NDUFAF1: variants seen among roughly 807,000 people sequenced by gnomAD.
NDUFAF1 encodes NADH:ubiquinone oxidoreductase complex assembly factor 1.
In NDUFAF1, 18 loss-of-function variants were observed where a neutral mutation model predicts 28.7. That is an observed-to-expected ratio of 0.63 (90% CI 0.43 to 0.93). The LOEUF (loss-of-function observed/expected upper bound fraction) is 0.93. NDUFAF1 is among the 40% of genes least tolerant of loss of function. The pLI is 0.00. For missense variants in NDUFAF1, 404 were observed against 398.3 expected (o/e 1.01, Z -0.12); for synonymous variants, 113 against 139.7 (o/e 0.81, Z 1.35).
At chr15:41,399,450 G>A (rs1444178685) in intron 1 of NDUFAF1, among the ~76,000 whole-genome samples, 3 of 151,596 alleles carry the variant, frequency 2.0e-5, no homozygotes, top group African/African-American at 4.9e-5. Context: ...CCAGCTACTC[G>A]GGAGGCTGAG....
At chr15:41,393,922 T>A (rs145106038) in intron 3 of NDUFAF1, among the ~76,000 whole-genome samples, 1 of 148,010 alleles carries the variant, frequency 6.8e-6, no homozygotes, top group African/African-American at 2.5e-5. Context: ...TTAGCCAGGC[T>A]GGTCTCAAAC....
chr15:41,395,558 G>C (rs1434938749), intron 2 of NDUFAF1, among the ~76,000 whole-genome samples: 5 of 151,132 alleles, frequency 3.3e-5, no homozygotes, highest in South Asian at 2.1e-4. Flanking sequence ...TTTTAGTAGA[G>C]ACGGGGTTTC....
At chr15:41,393,188 G>A (rs912037727) in intron 3 of NDUFAF1, among the ~76,000 whole-genome samples, 13 of 147,632 alleles carry the variant, frequency 8.8e-5, no homozygotes, top group South Asian at 8.7e-4. Flanking sequence ...GCAGTGGCAC[G>A]GTCTCAGCTT....
At position 41,399,820 on chromosome 15, in the gene NDUFAF1, C is replaced by A. The variant is rs561373454; in HGVS notation, c.-82+2324G>T. Among the ~76,000 whole-genome samples, 18 of 135,486 alleles carry A rather than the reference C, an allele frequency of 1.3e-4. No individual in the cohort carries two copies. In the East Asian group the frequency reaches 3.4e-3, roughly 26 times the overall value. 88.9% of individuals were successfully genotyped at this position (135,486 alleles called of 152,430 possible). A position where few individuals can be genotyped will look rare whatever the true frequency, so the allele number is the denominator to read the frequency against. On this transcript the variant is annotated intron_variant, in intron 1 of 4. Coordinates refer to ENST00000260361, the MANE Select transcript of NDUFAF1 (RefSeq NM_016013.4). ...GCAGTGAGCCGAGATCCCGCCACTG[C>A]ACTCCAGCCTGGGCGACAGAGCGAG...
intron 3 of NDUFAF1, chr15:41,394,018 ACT>A: frequency 5.0e-6 from 1 of 200,770 alleles, no homozygotes; most frequent in South Asian, 3.2e-5. Flanking sequence ...CTAGGACACT[ACT>A]TTTTTTTTTT....
intron 4 of NDUFAF1, among the ~76,000 whole-genome samples, chr15:41,388,114 A>G (rs1401537187): frequency 1.3e-5 from 2 of 152,142 alleles, no homozygotes; most frequent in South Asian, 4.1e-4. Flanking sequence ...CATGTCAAAA[A>G]ACAAAAAGAC....
At chr15:41,401,719 C>G (rs552258133) in intron 1 of NDUFAF1, among the ~76,000 whole-genome samples, 3 of 152,272 alleles carry the variant, frequency 2.0e-5, no homozygotes, top group Admixed American at 6.5e-5. Context: ...AGCCACCGCG[C>G]CCAGCCGACA....
intron 3 of NDUFAF1, 76 bp downstream of exon 3, chr15:41,394,783 G>T (rs2050361197): frequency 2.6e-6 from 4 of 1,515,066 alleles, no homozygotes; most frequent in Admixed American, 1.7e-5. Flanking sequence ...CTCCCAAATT[G>T]CTGGGATTAT....
intron 3 of NDUFAF1, among the ~76,000 whole-genome samples, chr15:41,389,426 C>CA (rs2050292254): frequency 6.6e-6 from 1 of 151,720 alleles, no homozygotes; most frequent in Non-Finnish European, 1.5e-5. Context: ...TTTAAAAACA[C>CA]AAAAAACAGG....
At chr15:41,392,515 G>A (rs186515459) in intron 3 of NDUFAF1, among the ~76,000 whole-genome samples, 1 of 152,242 alleles carries the variant, frequency 6.6e-6, no homozygotes, top group Admixed American at 6.5e-5. Flanking sequence ...TGAACCATGG[G>A]TGTGGTTTCC....
chr15:41,390,620 G>A (rs1173438002), intron 3 of NDUFAF1, among the ~76,000 whole-genome samples: 11 of 151,922 alleles, frequency 7.2e-5, no homozygotes, highest in African/African-American at 2.4e-5. Flanking sequence ...AGCTACTCAG[G>A]AGGCTGAGGC....
At chr15:41,400,498 C>A (rs2050447371) in intron 1 of NDUFAF1, among the ~76,000 whole-genome samples, 1 of 151,114 alleles carries the variant, frequency 6.6e-6, no homozygotes, top group African/African-American at 2.4e-5. Flanking sequence ...TGAGCCACTG[C>A]ACCTGATGAA....
In NDUFAF1 at chr15:41,396,814, G is replaced by T; in HGVS notation, c.246C>A (p.Phe82Leu). ...TSSEEKPDVSFDKAIRDEAIY... is the reference protein window; with the variant it reads ...TSSEEKPDVSLDKAIRDEAIY... ...TTGCTTCATCTCTAATTGCTTTATC[G>T]AAACTAACATCAGGCTTCTCCTCAG... Residue 82 changes from phenylalanine to leucine, a missense_variant, in exon 2 of 5, where the codon TTC (phenylalanine) becomes TTA (leucine). Physicochemically the swap from Phe to Leu is conservative, Grantham distance 22. Transcript: ENST00000260361. 4 of 1,613,918 alleles carry T rather than the reference G, an allele frequency of 2.5e-6. No homozygotes were observed. The highest frequency in any genetic ancestry group is 3.3e-5 in the Admixed American group (2 of 59,972).
At chr15:41,394,744 C>CT in intron 3 of NDUFAF1, 115 bp downstream of exon 3, 1 of 1,037,294 alleles carries the variant, frequency 9.6e-7, no homozygotes, top group Non-Finnish European at 1.5e-6. Flanking sequence ...TCTCGAACTC[C>CT]TGACCTCAGG....
At chr15:41,395,959 G>T (rs2050382014) in intron 2 of NDUFAF1, among the ~76,000 whole-genome samples, 1 of 151,280 alleles carries the variant, frequency 6.6e-6, no homozygotes, top group South Asian at 2.1e-4. Context: ...GTGGTGGTGT[G>T]CACCAGTAGT....
Position 41,402,441 on chromosome 15 carries a change from G to T in NDUFAF1, c.-379C>A, listed in dbSNP as rs146883891. 67 of 431,142 alleles carry T rather than the reference G, an allele frequency of 1.6e-4. 2 individuals carry two copies. The highest frequency in any genetic ancestry group is 9.9e-4 in the South Asian group (62 of 62,620). The allele number at this position is 431,142 out of a possible 1,614,324, so 26.7% of individuals were successfully genotyped here. The stretch of plus-strand genomic sequence containing the variant: ...ACACACCAACCGCCGGCCTGCCGCC[G>T]CTTACCTCCCCGAGCCTATAGTGTA... On this transcript the variant is annotated 5_prime_UTR_variant, in exon 1 of 5. Transcript: ENST00000260361.
chr15:41,402,651 G>A, upstream of NDUFAF1: 1 of 183,036 alleles, frequency 5.5e-6, no homozygotes, highest in Admixed American at 5.4e-5. Context: ...CCAGTTGTAA[G>A]GAAGCAGTGA....
At chr15:41,401,730 T>C (rs1395775270) in intron 1 of NDUFAF1, among the ~76,000 whole-genome samples, 2 of 152,132 alleles carry the variant, frequency 1.3e-5, no homozygotes, top group African/African-American at 4.8e-5. Context: ...CCAGCCGACA[T>C]TATCAATAAG....
Position 41,388,533 on chromosome 15 carries a change from A to G in NDUFAF1, c.760-11T>C, listed in dbSNP as rs767592288. The stretch of plus-strand genomic sequence containing the variant: ...TTTGGAAAAAGGAATCTGAAAGAAG[A>G]AACCATTTACTTCATAACTGAAATG... On this transcript the variant is annotated splice_polypyrimidine_tract_variant and intron_variant, in intron 3 of 4. Transcript: ENST00000260361. The G allele has an allele frequency of 1.9e-6, 3 of 1,578,614 alleles. No homozygotes were observed. Among genetic ancestry groups the G allele is most frequent in the Non-Finnish European group, 2.6e-6 (3 of 1,147,652 alleles).
Sources: allele counts gnomAD v4.1 joint callset (sites outside exome capture counted in the v4.1 genomes callset), GRCh38; gene constraint gnomAD v4.1.1; transcripts MANE v1.5; gene names NCBI Gene and HGNC (gene_info 2026-07-23, HGNC 2026-07-21).